Variants in HUNK observed in about 807,000 individuals in gnomAD.
HUNK encodes the protein hormonally up-regulated Neu-associated kinase, also known as hormonally up-regulated neu tumor-associated kinase.
In HUNK, 21 loss-of-function variants were observed where a neutral mutation model predicts 61.0. The ratio of observed to expected loss-of-function variants is 0.34; its 90% CI spans 0.24 to 0.50. The LOEUF (loss-of-function observed/expected upper bound fraction) is 0.50, where lower values mean the gene tolerates loss of function less well. HUNK is among the 20% of genes least tolerant of loss of function. The pLI, the probability that HUNK is intolerant of heterozygous loss-of-function variation, is 0.98. For synonymous variants in HUNK, 371 were observed against 386.1 expected, an observed-to-expected ratio of 0.96 and a Z score of 0.46; for missense variants, 772 against 945.7, an observed-to-expected ratio of 0.82 and a Z score of 2.41.
At chr21:31,942,918 G>A (rs1450130568) in intron 3 of HUNK, among the ~76,000 whole-genome samples, 3 of 152,108 alleles carry the variant, frequency 2.0e-5, no homozygotes, top group African/African-American at 7.2e-5. Flanking sequence ...ACTGCATTTT[G>A]TTAAGAAAGA....
Position 32,000,561 on chromosome 21 carries a change from TAGG to T in HUNK, c.*1380_*1382del. On this transcript the variant is annotated 3_prime_UTR_variant, in exon 11 of 11. Coordinates refer to ENST00000270112, the MANE Select transcript of HUNK (RefSeq NM_014586.2). ...AGCACAGGTTGGATAGGGGTTAGTG[TAGG>T]AGACCAGTTACAGAATGGCCTGGAG... 2.5e-6 allele frequency: 1 copy of T among 399,164 alleles called. No individual in the cohort carries two copies. Among genetic ancestry groups the T allele is most frequent in the Non-Finnish European group, 4.4e-6 (1 of 226,140 alleles). 24.7% of individuals were successfully genotyped at this position (399,164 alleles called of 1,614,324 possible).
intron 1 of HUNK, among the ~76,000 whole-genome samples, chr21:31,918,592 C>T (rs769794107): frequency 5.9e-5 from 9 of 152,252 alleles, no homozygotes; most frequent in African/African-American, 1.4e-4. Context: ...TTTGCTTCTT[C>T]TCCCAGCCCC....
chr21:31,892,180 TAGAGAG>T (rs66753649), intron 1 of HUNK, among the ~76,000 whole-genome samples: 3,265 of 109,568 alleles, frequency 0.03, 58 homozygotes, highest in Non-Finnish European at 0.034. Flanking sequence ...TATATATATA[TAGAGAG>T]AGAGAGAGAG....
At chr21:31,987,532 C>G (rs1345996524) in intron 8 of HUNK, among the ~76,000 whole-genome samples, 1 of 152,190 alleles carries the variant, frequency 6.6e-6, no homozygotes, top group Non-Finnish European at 1.5e-5. Context: ...AGGGGCCCTT[C>G]TTTCATCTCG....
intron 6 of HUNK, chr21:31,974,323 A>C (rs1206481209): frequency 4.0e-6 from 1 of 251,296 alleles, no homozygotes; most frequent in Admixed American, 5.6e-5. Context: ...ATACTTCAGC[A>C]AAAAAAAAAT....
chr21:31,939,946 C>T (rs746018652), intron 2 of HUNK, among the ~76,000 whole-genome samples: 2 of 151,768 alleles, frequency 1.3e-5, no homozygotes, highest in Non-Finnish European at 2.9e-5. Flanking sequence ...TCTTTGCTGT[C>T]TGTCATGTCT....
chr21:31,991,016 T>G (rs886465244), intron 9 of HUNK, among the ~76,000 whole-genome samples: 3 of 152,180 alleles, frequency 2.0e-5, no homozygotes, highest in African/African-American at 7.2e-5. Context: ...TATCCAGAAT[T>G]AAAACATGCA....
chr21:31,927,317 A>G (rs2052667654), intron 2 of HUNK, among the ~76,000 whole-genome samples: 1 of 151,890 alleles, frequency 6.6e-6, no homozygotes, highest in South Asian at 2.1e-4. Context: ...TGCTGGGATT[A>G]CAGGTGTGAG....
chr21:31,970,875 A>G (rs2053005176), intron 6 of HUNK, among the ~76,000 whole-genome samples: 1 of 152,062 alleles, frequency 6.6e-6, no homozygotes, highest in Non-Finnish European at 1.5e-5. Context: ...TGGTTTTTGC[A>G]TTTGGACTTG....
intron 1 of HUNK, among the ~76,000 whole-genome samples, chr21:31,905,051 C>T (rs544453108): frequency 6.7e-6 from 1 of 149,058 alleles, no homozygotes; most frequent in South Asian, 2.2e-4. Context: ...GCACTCCAGC[C>T]TGGGCAACAG....
intron 7 of HUNK, among the ~76,000 whole-genome samples, chr21:31,974,989 CTG>C (rs1314935527): frequency 4.6e-5 from 7 of 151,492 alleles, no homozygotes; most frequent in Non-Finnish European, 4.4e-5. Flanking sequence ...AACAGCATCT[CTG>C]TTGTCTTTTT....
At chr21:31,943,756 G>A (rs1226278000) in intron 3 of HUNK, among the ~76,000 whole-genome samples, 1 of 150,618 alleles carries the variant, frequency 6.6e-6, no homozygotes, top group Non-Finnish European at 1.5e-5. Context: ...CCTCTTCTGA[G>A]AACAAGTCCT....
chr21:31,956,125 G>A (rs2063757745), intron 4 of HUNK, among the ~76,000 whole-genome samples: 1 of 152,226 alleles, frequency 6.6e-6, no homozygotes. Flanking sequence ...CCAGCCTGGG[G>A]AAGACCCAGA....
chr21:31,900,479 A>ACACACACACACACACACACAC (rs57151018), intron 1 of HUNK, among the ~76,000 whole-genome samples: 11 of 151,572 alleles, frequency 7.3e-5, no homozygotes, highest in Admixed American at 1.3e-4. Flanking sequence ...ACACACACAC[A>ACACACACACACACACACACAC]AACTCTACTG....
At chr21:31,953,405 T>A (rs1417520433) in intron 4 of HUNK, among the ~76,000 whole-genome samples, 1 of 152,224 alleles carries the variant, frequency 6.6e-6, no homozygotes, top group African/African-American at 2.4e-5. Context: ...CAGCTCATTA[T>A]GTATTTTTAG....
chr21:31,875,904 A>G (rs56079836), intron 1 of HUNK, among the ~76,000 whole-genome samples: 21,869 of 152,114 alleles, frequency 0.14, 1,787 homozygotes, highest in East Asian at 0.39. Flanking sequence ...GCTCTGTAGC[A>G]GCGCATTTTT....
rs1022605714 is a variant in HUNK, at chr21:32,002,291, G to A, written c.*3107G>A. The A allele has an allele frequency of 7.2e-5, 11 of 152,196 alleles. No individual in the cohort carries two copies. The highest frequency in any genetic ancestry group is 1.3e-4 in the Admixed American group (2 of 15,264). The allele number at this position is 152,196 out of a possible 1,614,324, so 9.4% of individuals were successfully genotyped here. On this transcript the variant is annotated 3_prime_UTR_variant, in exon 11 of 11. Transcript: ENST00000270112. ...TTTTGTAGAAATGGGGTTTCGCCATGTTGCTCAGGCTGATCTCAAACTCCT... is the reference window on the plus strand; with the variant it reads ...TTTTGTAGAAATGGGGTTTCGCCATATTGCTCAGGCTGATCTCAAACTCCT...
At chr21:31,921,088 G>T (rs1010035032) in intron 1 of HUNK, among the ~76,000 whole-genome samples, 5 of 145,232 alleles carry the variant, frequency 3.4e-5, no homozygotes, top group African/African-American at 1.3e-4. Flanking sequence ...GGAGGCAGAG[G>T]TTGCAGGGAG....
chr21:31,884,394 C>T (rs1482194438), intron 1 of HUNK, among the ~76,000 whole-genome samples: 1 of 152,102 alleles, frequency 6.6e-6, no homozygotes, highest in East Asian at 1.9e-4. Flanking sequence ...GAGCTTGACA[C>T]CAGCCTGACC....
Sources: allele counts gnomAD v4.1 joint callset (sites outside exome capture counted in the v4.1 genomes callset), GRCh38; gene constraint gnomAD v4.1.1; transcripts MANE v1.5; gene names NCBI Gene and HGNC (gene_info 2026-07-23, HGNC 2026-07-21).